The following DYM variants were observed in gnomAD, a reference collection of about 807,000 sequenced individuals.
DYM encodes dyggve-Melchior-Clausen syndrome protein.
In DYM, 78 loss-of-function variants were observed where a neutral mutation model predicts 93.1. That is an observed-to-expected ratio of 0.84 (90% CI 0.70 to 1.01). The LOEUF (loss-of-function observed/expected upper bound fraction) is 1.01. DYM is among the 50% of genes least tolerant of loss of function. DYM has a pLI of 0.00. For synonymous variants in DYM, 321 were observed against 319.7 expected (o/e 1.00, Z -0.04); for missense variants, 789 against 845.0 (o/e 0.93, Z 0.82).
At position 49,091,346 on chromosome 18, in the gene DYM, G is replaced by C. The variant is rs75495141; in HGVS notation, c.2025+6056C>G. Among the ~76,000 whole-genome samples, 856 of 152,280 alleles carry C rather than the reference G, an allele frequency of 5.6e-3. 5 individuals carry two copies. The highest frequency in any genetic ancestry group is 9.2e-3 in the Non-Finnish European group (623 of 68,018). On this transcript the variant is annotated intron_variant, in intron 17 of 17. Coordinates refer to ENST00000675505, the MANE Select transcript of DYM (RefSeq NM_001353214.3). ...GAACAAGAAAACATACAGTAGGATT[G>C]GGGGGCTGGGAGTGCAGAAATGTTA...
intron 13 of DYM, among the ~76,000 whole-genome samples, chr18:49,211,901 C>T (rs1405528215): frequency 6.6e-6 from 1 of 152,134 alleles, no homozygotes; most frequent in Non-Finnish European, 1.5e-5. Context: ...TCTAGGACTC[C>T]ATCTACCAAA....
At chr18:49,416,663 T>C (rs1416155642) in intron 2 of DYM, among the ~76,000 whole-genome samples, 1 of 152,182 alleles carries the variant, frequency 6.6e-6, no homozygotes, top group Non-Finnish European at 1.5e-5. Context: ...ATTCAGACCT[T>C]CAGCACATCA....
intron 8 of DYM, among the ~76,000 whole-genome samples, chr18:49,310,247 A>G (rs532804939): frequency 6.6e-6 from 1 of 152,350 alleles, no homozygotes; most frequent in South Asian, 2.1e-4. Flanking sequence ...CATGGGATTC[A>G]GTCTGTTTAA....
chr18:49,143,865 A>G (rs745971330), intron 15 of DYM, among the ~76,000 whole-genome samples: 1 of 152,186 alleles, frequency 6.6e-6, no homozygotes, highest in Non-Finnish European at 1.5e-5. Flanking sequence ...CCTTATACTC[A>G]TTCATTTCCT....
chr18:49,135,108 C>A (rs965019891), intron 15 of DYM, among the ~76,000 whole-genome samples: 1 of 151,548 alleles, frequency 6.6e-6, no homozygotes, highest in African/African-American at 2.4e-5. Flanking sequence ...AACTCCATCT[C>A]GGAAAAAAAC....
At chr18:49,389,907 T>G (rs981941436) in intron 3 of DYM, among the ~76,000 whole-genome samples, 9 of 152,186 alleles carry the variant, frequency 5.9e-5, no homozygotes, top group African/African-American at 2.2e-4. Flanking sequence ...TCTTTTAATT[T>G]TATAATTTTT....
intron 1 of DYM, among the ~76,000 whole-genome samples, chr18:49,433,223 C>G (rs2080501386): frequency 1.3e-5 from 2 of 152,138 alleles, no homozygotes; most frequent in Admixed American, 6.5e-5. Flanking sequence ...TAACCTTATT[C>G]TGTGGAATGT....
intron 14 of DYM, among the ~76,000 whole-genome samples, chr18:49,187,816 A>G (rs565861392): frequency 6.6e-6 from 1 of 152,318 alleles, no homozygotes; most frequent in East Asian, 1.9e-4. Context: ...CACCTACAGA[A>G]CCATGTTAGG....
Position 49,360,441 on chromosome 18 carries a change from G to A in DYM, c.494+2720C>T, listed in dbSNP as rs148872269. ...GTTCAAGACCAGCCTAACCAACATG[G>A]TGAAACCCTATCTCTACTAAAAATA... On this transcript the variant is annotated intron_variant, in intron 6 of 17. Coordinates refer to ENST00000675505, the MANE Select transcript of DYM (RefSeq NM_001353214.3). 3.4e-3 allele frequency among the ~76,000 whole-genome samples: 524 copies of A among 152,146 alleles called. 4 individuals are homozygous for A. Among genetic ancestry groups the A allele is most frequent in the African/African-American group, 0.012 (486 of 41,528 alleles).
chr18:49,051,771 C>T (rs184246974), intron 17 of DYM, among the ~76,000 whole-genome samples: 12 of 152,326 alleles, frequency 7.9e-5, no homozygotes, highest in African/African-American at 2.2e-4. Context: ...GCGCTGCCCC[C>T]GTCCGTGCTG....
At chr18:49,391,685 T>C in intron 2 of DYM, 40 bp from the exon 3 acceptor site, 1 of 1,519,710 alleles carries the variant, frequency 6.6e-7, no homozygotes, top group Non-Finnish European at 9.1e-7. Context: ...ATGACTATAA[T>C]ACTAAATATG....
At chr18:49,095,265 C>T (rs1262688358) in intron 17 of DYM, among the ~76,000 whole-genome samples, 1 of 152,074 alleles carries the variant, frequency 6.6e-6, no homozygotes, top group Non-Finnish European at 1.5e-5. Flanking sequence ...ATTATAAACA[C>T]TCAATCCAAA....
At chr18:49,068,921 T>C (rs557740055) in intron 17 of DYM, among the ~76,000 whole-genome samples, 1 of 152,350 alleles carries the variant, frequency 6.6e-6, no homozygotes, top group South Asian at 2.1e-4. Flanking sequence ...TTTTCATAAA[T>C]ACAAACACTG....
intron 16 of DYM, among the ~76,000 whole-genome samples, chr18:49,117,743 C>T (rs1255418631): frequency 2.0e-5 from 3 of 152,200 alleles, no homozygotes; most frequent in African/African-American, 7.2e-5. Flanking sequence ...CCACTGTGCA[C>T]TGGTTCTACA....
At chr18:49,427,764 T>C (rs182194130) in intron 2 of DYM, among the ~76,000 whole-genome samples, 75 of 152,256 alleles carry the variant, frequency 4.9e-4, no homozygotes, top group Middle Eastern at 6.8e-3. Flanking sequence ...AGTATATCCA[T>C]ACAATGGAGT....
chr18:49,131,738 C>A (rs886511320), intron 15 of DYM, among the ~76,000 whole-genome samples: 1 of 152,140 alleles, frequency 6.6e-6, no homozygotes, highest in Non-Finnish European at 1.5e-5. Flanking sequence ...CCAAATAGTA[C>A]CCAGCTATGC....
chr18:49,364,531 C>T (rs1168859136), intron 5 of DYM, among the ~76,000 whole-genome samples: 1 of 152,142 alleles, frequency 6.6e-6, no homozygotes, highest in Non-Finnish European at 1.5e-5. Context: ...TCCAATTTTA[C>T]TCCTCTGCAA....
intron 15 of DYM, among the ~76,000 whole-genome samples, chr18:49,139,040 T>C (rs924923500): frequency 1.3e-5 from 2 of 152,208 alleles, no homozygotes; most frequent in African/African-American, 4.8e-5. Flanking sequence ...ACCTATTAAC[T>C]GTACAGACTA....
rs187379769 is a variant in DYM at position 49,378,525 on chromosome 18, T to C, written c.421+42A>G. 422 of 1,552,378 alleles carry C rather than the reference T, an allele frequency of 2.7e-4. 1 individual carries two copies. The African/African-American group carries it at 4.9e-3, about 18-fold the overall frequency. On this transcript the variant is annotated intron_variant, in intron 5 of 17. Transcript: ENST00000675505. ...TTCCTGAAATTTTATCCTTAAATGT[T>C]ACACATGATATATCCAGAACATCTT...
Sources: gnomAD v4.1 joint callset for allele counts (sites outside exome capture counted in the v4.1 genomes callset) on GRCh38, gnomAD v4.1.1 for gene constraint, MANE v1.5 for transcripts, NCBI Gene and HGNC (gene_info 2026-07-23, HGNC 2026-07-21) for gene names.